ABCB9: variants seen among roughly 807,000 people sequenced by gnomAD.
ABCB9 encodes ATP binding cassette subfamily B member 9.
In ABCB9, 36 loss-of-function variants were observed where a neutral mutation model predicts 62.0. The ratio of observed to expected loss-of-function variants is 0.58; its 90% confidence interval spans 0.45 to 0.77. The LOEUF (loss-of-function observed/expected upper bound fraction) is 0.77, where lower values mean the gene tolerates loss of function less well. Ranked by LOEUF, ABCB9 falls within the 30% of genes least tolerant of loss-of-function variation. ABCB9 has a pLI of 0.00. For missense variants in ABCB9, 943 were observed against 1,054.7 expected (o/e 0.89, Z 1.47); for synonymous variants, 435 against 461.4 (o/e 0.94, Z 0.73).
At chr12:122,924,291 TAAATG>T (rs1266719077), downstream of ABCB9, among the ~76,000 whole-genome samples, 5 of 152,250 alleles carry the variant, frequency 3.3e-5, no homozygotes, top group African/African-American at 9.6e-5. Flanking sequence ...CCCTGTCTGT[TAAATG>T]AGGTGATTGG....
chr12:122,963,672 C>A (rs1465811945), intron 1 of ABCB9, among the ~76,000 whole-genome samples: 1 of 152,044 alleles, frequency 6.6e-6, no homozygotes, highest in Non-Finnish European at 1.5e-5. Flanking sequence ...TAGGCACAAC[C>A]CCTACTAATG....
chr12:122,940,272 T>G lies in ABCB9; in HGVS notation c.1582A>C (p.Ser528Arg). Reference sequence around the variant, plus strand: ...GCCGTCACCTTGCCGGGGGACAGGCTGAAGGAGACATTCTGCAAAGAACAC... The same window carrying G: ...GCCGTCACCTTGCCGGGGGACAGGCGGAAGGAGACATTCTGCAAAGAACAC... The part of the protein sequence containing the change: ...HTQVLQNVSF[S>R]LSPGKVTALV... Residue 528 changes from serine to arginine, a missense_variant, in exon 9 of 12, where the codon AGC becomes CGC. By Grantham distance (110) the Ser-to-Arg change is moderately radical (BLOSUM62 -1). Transcript: ENST00000280560. This position sits in a 1 kb window ranked among gnomAD's most constrained non-coding sequence, Gnocchi z 4.8. 1 of 1,597,204 alleles carries G rather than the reference T, an allele frequency of 6.3e-7. No homozygotes were observed. Among genetic ancestry groups the G allele is most frequent in the Non-Finnish European group, 8.5e-7 (1 of 1,170,728 alleles).
At chr12:122,935,771 C>T (rs1328127447) in intron 9 of ABCB9, among the ~76,000 whole-genome samples, 1 of 152,200 alleles carries the variant, frequency 6.6e-6, no homozygotes, top group Non-Finnish European at 1.5e-5. Context: ...GTGAATGAGT[C>T]TGCTCATCTC....
chr12:122,948,205 T>C (rs2036147886), intron 5 of ABCB9: 2 of 154,250 alleles, frequency 1.3e-5, no homozygotes, highest in Non-Finnish European at 1.4e-5. Flanking sequence ...CCCAAAGTTC[T>C]GGGATTACAG....
At chr12:122,961,442 C>G (rs564151793) in intron 1 of ABCB9, among the ~76,000 whole-genome samples, 1 of 152,256 alleles carries the variant, frequency 6.6e-6, no homozygotes, top group South Asian at 2.1e-4. Flanking sequence ...ATCCACATGC[C>G]TCAGTAACCC....
intron 11 of ABCB9, chr12:122,931,684 C>A (rs1468614666): frequency 1.9e-5 from 3 of 161,010 alleles, no homozygotes; most frequent in African/African-American, 7.2e-5. Flanking sequence ...GGCTCTGTCG[C>A]CCAGGCTGGA....
chr12:122,972,701 C>T (rs1222326769), intron 1 of ABCB9, among the ~76,000 whole-genome samples: 3 of 151,882 alleles, frequency 2.0e-5, no homozygotes, highest in Admixed American at 1.3e-4. Flanking sequence ...TTAGTAGAGA[C>T]GGGGTTTCAC....
rs953006148 is a variant in ABCB9 at position 122,929,575 on chromosome 12, A to G, written c.*336T>C. The G allele has an allele frequency of 9.0e-7, 1 of 1,114,114 alleles. No individual in the cohort carries two copies. Among genetic ancestry groups the G allele is most frequent in the African/African-American group, 1.6e-5 (1 of 61,858 alleles). The allele number at this position is 1,114,114 out of a possible 1,614,324, so 69.0% of individuals were successfully genotyped here. On this transcript the variant is annotated 3_prime_UTR_variant, in exon 12 of 12. Transcript: ENST00000280560. The surrounding 1 kb of genome is among the most constrained non-coding windows in gnomAD (Gnocchi z 6.0). The stretch of plus-strand genomic sequence containing the variant: ...AGTGCCCGCCATTACTCCCAATTAG[A>G]AAAAGGTTTTTGAAATCTAGGAGTT...
At chr12:122,923,637 A>G (rs1210482782) in intron 11 of ABCB9, among the ~76,000 whole-genome samples, 1 of 152,194 alleles carries the variant, frequency 6.6e-6, no homozygotes, top group African/African-American at 2.4e-5. Context: ...TGTTAATCCC[A>G]GTGGAGCAAC....
chr12:122,948,549 C>G, intron 5 of ABCB9, 75 bp downstream of exon 5: 1 of 1,396,776 alleles, frequency 7.2e-7, no homozygotes, highest in Non-Finnish European at 9.5e-7. Context: ...CTTAGTGGCC[C>G]CCTGAGCCCC....
In ABCB9 at chr12:122,944,098, T is replaced by G. The variant is rs2035907892; in HGVS notation, c.1380+293A>C. ...TACCCACCAACACGCTTGGCTAATTTTTGTGTTTTCAGTAGAGATGGGGTT... is the reference window on the plus strand; with the variant it reads ...TACCCACCAACACGCTTGGCTAATTGTTGTGTTTTCAGTAGAGATGGGGTT... On this transcript the variant is annotated intron_variant, in intron 7 of 11. Coordinates refer to ENST00000280560, the MANE Select transcript of ABCB9 (RefSeq NM_019625.4). This position sits in a 1 kb window ranked among gnomAD's most constrained non-coding sequence, Gnocchi z 4.9. Among the ~76,000 whole-genome samples, 1 of 152,124 alleles carries G rather than the reference T, an allele frequency of 6.6e-6. No individual in the cohort carries two copies. Among genetic ancestry groups the G allele is most frequent in the Non-Finnish European group, 1.5e-5 (1 of 68,030 alleles).
intron 1 of ABCB9, among the ~76,000 whole-genome samples, chr12:122,973,720 G>A (rs544215247): frequency 6.6e-6 from 1 of 151,674 alleles, no homozygotes; most frequent in Non-Finnish European, 1.5e-5. Flanking sequence ...AATTAGCCGG[G>A]TGTGGTGGCG....
upstream of ABCB9, among the ~76,000 whole-genome samples, chr12:122,969,603 G>A (rs2037247876): frequency 6.6e-6 from 1 of 152,094 alleles, no homozygotes; most frequent in Non-Finnish European, 1.5e-5. Context: ...TGGGTGTGGT[G>A]GCACATGCCT....
At chr12:122,925,284 G>A (rs1335445986), downstream of ABCB9, among the ~76,000 whole-genome samples, 1 of 152,124 alleles carries the variant, frequency 6.6e-6, no homozygotes, top group East Asian at 1.9e-4. Flanking sequence ...TGAGGATGTG[G>A]GGAAATTGCA....
intron 6 of ABCB9, among the ~76,000 whole-genome samples, chr12:122,945,661 T>A (rs989828844): frequency 1.3e-5 from 2 of 152,124 alleles, no homozygotes; most frequent in African/African-American, 4.8e-5. Flanking sequence ...GTGGATCACC[T>A]GAGCTCAGGA....
In ABCB9 at chr12:122,959,369, CAATAAATAAATA is replaced by C. The variant is rs780292694; in HGVS notation, c.601+254_601+265del. ...TATGTTTCGAAAAAATAAATAAATACAATAAATAAATAAATAAATAAAATAGAAATGGGTTCT... is the reference window on the plus strand; with the variant it reads ...TATGTTTCGAAAAAATAAATAAATACAATAAATAAAATAGAAATGGGTTCT... On this transcript the variant is annotated intron_variant, in intron 2 of 11. Coordinates refer to ENST00000280560, the MANE Select transcript of ABCB9 (RefSeq NM_019625.4). The surrounding 1 kb of genome is among the most constrained non-coding windows in gnomAD (Gnocchi z 5.4). Among the ~76,000 whole-genome samples, 1 of 151,554 alleles carries C rather than the reference CAATAAATAAATA, an allele frequency of 6.6e-6. No individual in the cohort carries two copies. The highest frequency in any genetic ancestry group is 2.0e-4 in the East Asian group (1 of 5,096).
chr12:122,971,221 A>C (rs1026878768), upstream of ABCB9, among the ~76,000 whole-genome samples: 14 of 151,892 alleles, frequency 9.2e-5, no homozygotes, highest in Non-Finnish European at 1.9e-4. Context: ...TGTCTCTACC[A>C]AAAATATAAA....
Position 122,959,803 on chromosome 12 carries a change from GGGTGCCTGGCCGCAC to G in ABCB9, c.418_432del (p.Val140_Thr144del), listed in dbSNP as rs781490454. On this transcript the variant is annotated inframe_deletion, in exon 2 of 12. Transcript: ENST00000280560. The surrounding 1 kb of genome is among the most constrained non-coding windows in gnomAD (Gnocchi z 5.4). ...GTGGCCGCCCCTGGCTCCAGGGCCT[GGGTGCCTGGCCGCAC>G]GGTGGACAGCAGCCACCAGAGCAGG... is the stretch of plus-strand genomic sequence containing the variant. 6.2e-7 allele frequency: 1 copy of G among 1,612,388 alleles called. No homozygotes were observed. Among genetic ancestry groups the G allele is most frequent in the South Asian group, 1.1e-5 (1 of 91,064 alleles).
Position 122,929,840 on chromosome 12 carries a change from G to A in ABCB9, c.*71C>T, listed in dbSNP as rs1025931174. The A allele has an allele frequency of 1.7e-5, 25 of 1,456,480 alleles. No homozygotes were observed. Among genetic ancestry groups the A allele is most frequent in the Middle Eastern group, 2.5e-4 (1 of 3,924 alleles). The allele number at this position is 1,456,480 out of a possible 1,614,324, so 90.2% of individuals were successfully genotyped here. ...GGCCTGGGCTCGGAGGGCAGCTGGG[G>A]GCCTCCGTGGGCACATCTGCCAGGC... is the stretch of plus-strand genomic sequence containing the variant. On this transcript the variant is annotated 3_prime_UTR_variant, in exon 12 of 12. Transcript: ENST00000280560. The surrounding 1 kb of genome is among the most constrained non-coding windows in gnomAD (Gnocchi z 6.0).
Sources: allele counts gnomAD v4.1 joint callset (sites outside exome capture counted in the v4.1 genomes callset), GRCh38; gene constraint gnomAD v4.1.1; non-coding constraint Gnocchi (gnomAD v3.1); transcripts MANE v1.5; gene names NCBI Gene and HGNC (gene_info 2026-07-23, HGNC 2026-07-21).